Variants in FAM53B observed in about 807,000 individuals in gnomAD.
The protein encoded by FAM53B is family with sequence similarity 53 member B.
Under a neutral mutation model 32.7 loss-of-function variants are expected in FAM53B, and 12 were observed. The observed-to-expected ratio is 0.37, with a 90% confidence interval of 0.24 to 0.59. The LOEUF (loss-of-function observed/expected upper bound fraction) is 0.59, where lower values mean the gene tolerates loss of function less well. FAM53B is among the 20% of genes least tolerant of loss of function. FAM53B has a pLI of 0.72. For synonymous variants in FAM53B, 234 were observed against 228.7 expected, an observed-to-expected ratio of 1.02 and a Z score of -0.21; for missense variants, 477 against 577.7, an observed-to-expected ratio of 0.83 and a Z score of 1.79.
At chr10:124,729,229 C>T (rs1376425107) in intron 1 of FAM53B, among the ~76,000 whole-genome samples, 3 of 152,302 alleles carry the variant, frequency 2.0e-5, no homozygotes, top group South Asian at 2.1e-4. Context: ...AGCCTAATCT[C>T]GAATGATCTC....
intron 4 of FAM53B, among the ~76,000 whole-genome samples, chr10:124,636,703 T>C (rs2134041831): frequency 6.6e-6 from 1 of 151,586 alleles, no homozygotes; most frequent in East Asian, 2.0e-4. Context: ...CTGCGGAGGT[T>C]AGAGGAGGCT....
chr10:124,718,398 C>T (rs1163287715), intron 1 of FAM53B, among the ~76,000 whole-genome samples: 3 of 152,232 alleles, frequency 2.0e-5, no homozygotes, highest in African/African-American at 7.2e-5. Context: ...AGCCTTCCGC[C>T]TTCTCCCTTC....
chr10:124,623,429 G>T lies in FAM53B; in HGVS notation c.1082C>A (p.Pro361His). 4 of 1,603,976 alleles carry T rather than the reference G, an allele frequency of 2.5e-6. No individual in the cohort carries two copies. The African/African-American group carries it at 5.3e-5, about 21-fold the overall frequency. The change falls in exon 5 of 5, where the codon CCT becomes CAT. Residue 361 changes from proline to histidine, a missense_variant. Transcript: ENST00000337318. Reference protein sequence around the residue: ...AGTPVPEPLPPSFDDHLACQE... With the variant: ...AGTPVPEPLPHSFDDHLACQE... Reference sequence around the variant, plus strand: ...GCAGGCGAGGTGGTCGTCGAAGGAAGGGGGAAGAGGCTCAGGGACCGGGGT... The same window carrying T: ...GCAGGCGAGGTGGTCGTCGAAGGAATGGGGAAGAGGCTCAGGGACCGGGGT...
chr10:124,673,733 GC>G (rs1949720657), intron 4 of FAM53B, among the ~76,000 whole-genome samples: 5 of 152,280 alleles, frequency 3.3e-5, no homozygotes, highest in African/African-American at 1.2e-4. Flanking sequence ...CTAGGAATGT[GC>G]CCATCTCTGC....
Position 124,623,500 on chromosome 10 carries a change from G to A in FAM53B, c.1011C>T (p.Thr337=), listed in dbSNP as rs778257458. The A allele has an allele frequency of 1.8e-5, 29 of 1,590,372 alleles. No homozygotes were observed. In the Middle Eastern group the frequency reaches 6.6e-4, roughly 36 times the overall value. ...ARHVSNTRAW[T]ALLSASGPGG... is the part of the protein sequence containing the mutation. ...CTGGGCCGGAGGCTGAGAGCAGGGC[G>A]GTCCAGGCCCTGGTGTTGCTGACGT... Residue 337 remains threonine, a synonymous_variant, in exon 5 of 5, where the codon ACC becomes ACT. Transcript: ENST00000337318.
At chr10:124,740,377 A>G (rs1950193343) in intron 1 of FAM53B, among the ~76,000 whole-genome samples, 1 of 152,244 alleles carries the variant, frequency 6.6e-6, no homozygotes, top group Non-Finnish European at 1.5e-5. Flanking sequence ...GAAGAACCCT[A>G]GGGAACGGTA....
At chr10:124,672,460 T>C (rs1949712349) in intron 4 of FAM53B, among the ~76,000 whole-genome samples, 1 of 152,254 alleles carries the variant, frequency 6.6e-6, no homozygotes, top group Non-Finnish European at 1.5e-5. Flanking sequence ...CTGCATCCTC[T>C]GAGGCCCAGC....
At chr10:124,736,137 G>A (rs1950171908) in intron 1 of FAM53B, among the ~76,000 whole-genome samples, 1 of 152,200 alleles carries the variant, frequency 6.6e-6, no homozygotes, top group African/African-American at 2.4e-5. Flanking sequence ...CCATTGCAAG[G>A]GGCTTCTCAA....
chr10:124,650,856 T>C (rs1188882660), intron 4 of FAM53B, among the ~76,000 whole-genome samples: 3 of 152,086 alleles, frequency 2.0e-5, no homozygotes, highest in Non-Finnish European at 4.4e-5. Context: ...AAAGGGTTCA[T>C]CCTAAAGTGG....
At chr10:124,653,696 G>A (rs947365659) in intron 4 of FAM53B, among the ~76,000 whole-genome samples, 1 of 152,176 alleles carries the variant, frequency 6.6e-6, no homozygotes, top group African/African-American at 2.4e-5. Context: ...TCTCAGCCTC[G>A]CTTTCCTTGT....
At chr10:124,624,546 AG>A (rs1392108028) in intron 4 of FAM53B, among the ~76,000 whole-genome samples, 1 of 152,176 alleles carries the variant, frequency 6.6e-6, no homozygotes, top group Non-Finnish European at 1.5e-5. Flanking sequence ...TAGGCTGCGC[AG>A]AAGCTTCTCC....
chr10:124,625,922 C>G (rs1949345572), intron 4 of FAM53B, among the ~76,000 whole-genome samples: 1 of 152,222 alleles, frequency 6.6e-6, no homozygotes. Context: ...CTGACCCTGG[C>G]TGAGCAGCCT....
chr10:124,649,867 A>G (rs921295702), intron 4 of FAM53B, among the ~76,000 whole-genome samples: 2 of 152,210 alleles, frequency 1.3e-5, no homozygotes, highest in African/African-American at 4.8e-5. Context: ...CATAAGTCCC[A>G]GGAAACGCGC....
rs2134032764 is a variant in FAM53B at position 124,623,252 on chromosome 10, T to C, written c.1259A>G (p.Glu420Gly). Reference protein sequence around the residue: ...LDGELDIEQIEKN With the variant: ...LDGELDIEQIGKN ...TGGGCCCACACCCCCTCAGTTCTTC[T>C]CTATCTGCTCAATGTCCAACTCGCC... The change falls in exon 5 of 5, where the codon GAG (glutamate) becomes GGG (glycine). Residue 420 changes from glutamate (E) to glycine (G), a missense_variant. By Grantham distance (98) the Glu-to-Gly change is moderately conservative. Coordinates refer to ENST00000337318, the MANE Select transcript of FAM53B (RefSeq NM_014661.4). 6.2e-7 allele frequency: 1 copy of C among 1,601,108 alleles called. No homozygotes were observed. Among genetic ancestry groups the C allele is most frequent in the South Asian group, 1.1e-5 (1 of 89,340 alleles).
intron 1 of FAM53B, among the ~76,000 whole-genome samples, chr10:124,722,528 C>T (rs184983235): frequency 6.6e-6 from 1 of 152,244 alleles, no homozygotes; most frequent in African/African-American, 2.4e-5. Flanking sequence ...TAACATAAAA[C>T]CTGTCTTCAG....
intron 4 of FAM53B, among the ~76,000 whole-genome samples, chr10:124,669,099 G>T (rs1249685381): frequency 6.6e-6 from 1 of 152,222 alleles, no homozygotes; most frequent in African/African-American, 2.4e-5. Context: ...GGGGGTGTAG[G>T]GGGTAGAAGG....
intron 1 of FAM53B, among the ~76,000 whole-genome samples, chr10:124,738,693 G>A (rs191335025): frequency 2.0e-5 from 3 of 152,044 alleles, no homozygotes; most frequent in Admixed American, 6.6e-5. Context: ...ATTGTGTTCA[G>A]TTACTTGATT....
intron 4 of FAM53B, among the ~76,000 whole-genome samples, chr10:124,679,048 G>A (rs577505262): frequency 2.0e-4 from 31 of 152,268 alleles, no homozygotes; most frequent in African/African-American, 6.3e-4. Context: ...CACGAAGGGC[G>A]CCTTTACAAG....
intron 2 of FAM53B, among the ~76,000 whole-genome samples, chr10:124,702,325 T>A (rs1412544563): frequency 2.6e-5 from 4 of 152,272 alleles, no homozygotes; most frequent in African/African-American, 9.6e-5. Flanking sequence ...ACGGGGATGA[T>A]GTTACCAGTT....
Sources: allele counts gnomAD v4.1 joint callset (sites outside exome capture counted in the v4.1 genomes callset), GRCh38; gene constraint gnomAD v4.1.1; transcripts MANE v1.5; gene names NCBI Gene and HGNC (gene_info 2026-07-23, HGNC 2026-07-21).